The following FAM117B variants were observed in gnomAD, a reference collection of about 807,000 sequenced individuals.
The protein encoded by FAM117B is protein FAM117B.
In FAM117B, 22 loss-of-function variants were observed where a neutral mutation model predicts 52.8. That is an observed-to-expected ratio of 0.42 (90% CI 0.30 to 0.59). The LOEUF (loss-of-function observed/expected upper bound fraction) is 0.59. Ranked by LOEUF, FAM117B falls within the 20% of genes least tolerant of loss-of-function variation. FAM117B has a pLI of 0.22. For missense variants in FAM117B, 678 were observed against 802.6 expected (o/e 0.84, Z 1.88); for synonymous variants, 309 against 324.1 (o/e 0.95, Z 0.50).
chr2:202,668,141 A>T (rs1690233612), intron 1 of FAM117B, among the ~76,000 whole-genome samples: 1 of 140,308 alleles, frequency 7.1e-6, no homozygotes, highest in African/African-American at 2.9e-5. Context: ...ATTTTATAAA[A>T]ATATATAAAT....
At chr2:202,675,411 A>C (rs1055823801) in intron 1 of FAM117B, among the ~76,000 whole-genome samples, 1 of 138,858 alleles carries the variant, frequency 7.2e-6, no homozygotes, top group Admixed American at 8.1e-5. Flanking sequence ...GTGCCACCGC[A>C]CTACCGCCTG....
chr2:202,643,851 A>G (rs1559092701), intron 1 of FAM117B, among the ~76,000 whole-genome samples: 1 of 152,102 alleles, frequency 6.6e-6, no homozygotes, highest in African/African-American at 2.4e-5. Flanking sequence ...CTGGGATTGT[A>G]GGTGTGTAGC....
Position 202,714,402 on chromosome 2 carries a change from G to A in FAM117B, c.754-10515G>A, listed in dbSNP as rs897785489. ...ATGAACTGTTCAGTACTGAAAGTGG[G>A]GTGGTGAAGTCTCCAGCTGTTATTG... On this transcript the variant is annotated intron_variant, in intron 2 of 7. Coordinates refer to ENST00000392238, the MANE Select transcript of FAM117B (RefSeq NM_173511.4). Among the ~76,000 whole-genome samples, 3 of 152,102 alleles carry A rather than the reference G, an allele frequency of 2.0e-5. No homozygotes were observed. In the East Asian group the frequency reaches 5.8e-4, roughly 29 times the overall value.
intron 1 of FAM117B, among the ~76,000 whole-genome samples, chr2:202,679,354 G>A (rs555437796): frequency 6.6e-6 from 1 of 152,336 alleles, no homozygotes; most frequent in East Asian, 1.9e-4. Context: ...AATTCAGAGA[G>A]GTTGCAGTGG....
intron 1 of FAM117B, among the ~76,000 whole-genome samples, chr2:202,645,373 C>G (rs1239256938): frequency 6.6e-6 from 1 of 151,556 alleles, no homozygotes; most frequent in Admixed American, 6.6e-5. Flanking sequence ...ACTGCAGGCT[C>G]CGCCCCCCGG....
chr2:202,659,481 T>C (rs1349671860), intron 1 of FAM117B, among the ~76,000 whole-genome samples: 1 of 152,010 alleles, frequency 6.6e-6, no homozygotes, highest in Non-Finnish European at 1.5e-5. Flanking sequence ...GGCTAATTTT[T>C]GTATTTGTTT....
At chr2:202,734,977 C>T (rs1440721656) in intron 4 of FAM117B, among the ~76,000 whole-genome samples, 1 of 152,044 alleles carries the variant, frequency 6.6e-6, no homozygotes, top group Non-Finnish European at 1.5e-5. Context: ...ATTTCTGTAT[C>T]TTTCTCCCCT....
chr2:202,690,482 A>G (rs1230629984), intron 1 of FAM117B, among the ~76,000 whole-genome samples: 1 of 152,200 alleles, frequency 6.6e-6, no homozygotes, highest in Non-Finnish European at 1.5e-5. Flanking sequence ...CATGCTCTGT[A>G]CCGGAACACA....
At chr2:202,758,959 A>C (rs1691842230) in intron 6 of FAM117B, among the ~76,000 whole-genome samples, 1 of 152,210 alleles carries the variant, frequency 6.6e-6, no homozygotes, top group East Asian at 1.9e-4. Context: ...GTTTGAGTGC[A>C]TTTGTTTTGT....
At chr2:202,692,530 A>G (rs1399072691) in intron 1 of FAM117B, among the ~76,000 whole-genome samples, 3 of 152,242 alleles carry the variant, frequency 2.0e-5, no homozygotes, top group African/African-American at 4.8e-5. Flanking sequence ...TCAAAATATA[A>G]TAATTGAATG....
At chr2:202,748,420 T>C (rs1160787915) in intron 4 of FAM117B, among the ~76,000 whole-genome samples, 1 of 152,042 alleles carries the variant, frequency 6.6e-6, no homozygotes, top group Non-Finnish European at 1.5e-5. Flanking sequence ...CAAAAAAATA[T>C]ATACAAATGA....
chr2:202,683,025 C>A (rs928291501), intron 1 of FAM117B, among the ~76,000 whole-genome samples: 1 of 152,080 alleles, frequency 6.6e-6, no homozygotes, highest in African/African-American at 2.4e-5. Flanking sequence ...GTAACAGAAT[C>A]CAGTGAATTA....
At chr2:202,706,170 C>T (rs935339560) in intron 2 of FAM117B, among the ~76,000 whole-genome samples, 22 of 152,238 alleles carry the variant, frequency 1.4e-4, no homozygotes, top group African/African-American at 5.1e-4. Flanking sequence ...ACTACAGTCG[C>T]ATGCCCCCAC....
chr2:202,735,501 C>G (rs762319142), intron 4 of FAM117B, among the ~76,000 whole-genome samples: 1 of 152,028 alleles, frequency 6.6e-6, no homozygotes, highest in Non-Finnish European at 1.5e-5. Flanking sequence ...ATGTTTTTTT[C>G]CCCTGGAAAT....
chr2:202,702,242 T>G (rs531984416), intron 2 of FAM117B, among the ~76,000 whole-genome samples: 2 of 151,694 alleles, frequency 1.3e-5, no homozygotes, highest in South Asian at 2.1e-4. Flanking sequence ...AATACAAAAT[T>G]TAGTGGGGCA....
intron 2 of FAM117B, among the ~76,000 whole-genome samples, chr2:202,707,176 A>G (rs982903806): frequency 1.1e-4 from 16 of 151,760 alleles, no homozygotes; most frequent in African/African-American, 3.9e-4. Flanking sequence ...CAGGTAGCTA[A>G]GACTACAGGT....
At chr2:202,655,960 T>C (rs566103897) in intron 1 of FAM117B, among the ~76,000 whole-genome samples, 1 of 152,320 alleles carries the variant, frequency 6.6e-6, no homozygotes, top group South Asian at 2.1e-4. Context: ...TTAGGTTATC[T>C]CTTTTTTGAG....
intron 4 of FAM117B, among the ~76,000 whole-genome samples, chr2:202,742,525 A>G (rs1210431551): frequency 6.6e-6 from 1 of 152,218 alleles, no homozygotes; most frequent in African/African-American, 2.4e-5. Context: ...ATACAAAAAC[A>G]ACCTCTAAAT....
intron 2 of FAM117B, among the ~76,000 whole-genome samples, chr2:202,701,456 A>G (rs1690794260): frequency 6.6e-6 from 1 of 152,212 alleles, no homozygotes; most frequent in Non-Finnish European, 1.5e-5. Flanking sequence ...TCCAAGAAAT[A>G]ATTTTGACTT....
Sources: gnomAD v4.1 joint callset for allele counts (sites outside exome capture counted in the v4.1 genomes callset) on GRCh38, gnomAD v4.1.1 for gene constraint, MANE v1.5 for transcripts, NCBI Gene and HGNC (gene_info 2026-07-23, HGNC 2026-07-21) for gene names.